Variants in DLGAP1 observed in about 807,000 individuals in gnomAD.
The protein encoded by DLGAP1 is DLG associated protein 1, also known as disks large-associated protein 1.
A neutral mutation model predicts 90.8 loss-of-function variants in DLGAP1; 11 were observed. The ratio of observed to expected loss-of-function variants is 0.12; its 90% confidence interval spans 0.08 to 0.20. DLGAP1 has a LOEUF of 0.20. Among genes scored for constraint, DLGAP1 ranks in the 10% least tolerant of loss-of-function variants. DLGAP1 has a pLI of 1.00. For synonymous variants in DLGAP1, 558 were observed against 540.7 expected, an observed-to-expected ratio of 1.03 and a Z score of -0.44; for missense variants, 1,050 against 1,333.8, an observed-to-expected ratio of 0.79 and a Z score of 3.31.
chr18:4,168,818 C>A (rs12960496), intron 1 of DLGAP1, among the ~76,000 whole-genome samples: 17,671 of 152,150 alleles, frequency 0.12, 1,173 homozygotes, highest in East Asian at 0.26. Context: ...CTCTGGGCTC[C>A]AGTGATCCTA....
chr18:4,330,541 T>C (rs1478385984), intron 1 of DLGAP1, among the ~76,000 whole-genome samples: 1 of 151,898 alleles, frequency 6.6e-6, no homozygotes, highest in African/African-American at 2.4e-5. Flanking sequence ...AGCTGTTTTT[T>C]ACCCATTTTG....
At chr18:3,760,000 G>A (rs1465489857) in intron 5 of DLGAP1, among the ~76,000 whole-genome samples, 5 of 152,198 alleles carry the variant, frequency 3.3e-5, no homozygotes, top group Admixed American at 3.3e-4. Context: ...TCTGGTCAGA[G>A]GCCTATTGAA....
intron 2 of DLGAP1, among the ~76,000 whole-genome samples, chr18:4,102,630 C>T (rs888064214): frequency 2.0e-5 from 3 of 152,058 alleles, no homozygotes; most frequent in Non-Finnish European, 2.9e-5. Context: ...AAAATGAAGT[C>T]GCTTCCTTCA....
intron 5 of DLGAP1, among the ~76,000 whole-genome samples, chr18:3,782,509 G>A (rs1042006763): frequency 1.3e-5 from 2 of 152,172 alleles, no homozygotes; most frequent in Admixed American, 1.3e-4. Context: ...GACTTTGCAG[G>A]TGTTGATGAT....
intron 1 of DLGAP1, among the ~76,000 whole-genome samples, chr18:4,241,117 G>A (rs2078525009): frequency 1.3e-5 from 2 of 152,160 alleles, no homozygotes; most frequent in African/African-American, 2.4e-5. Flanking sequence ...CAGGGCTTGA[G>A]TCACATCTTT....
intron 3 of DLGAP1, among the ~76,000 whole-genome samples, chr18:3,908,048 A>G (rs527968359): frequency 1.4e-3 from 211 of 152,296 alleles, no homozygotes; most frequent in African/African-American, 4.9e-3. Context: ...TGTGACTGTA[A>G]ATTTTCAACC....
At chr18:4,106,001 C>T (rs1356698187) in intron 2 of DLGAP1, among the ~76,000 whole-genome samples, 4 of 131,136 alleles carry the variant, frequency 3.1e-5, no homozygotes, top group African/African-American at 1.1e-4. Flanking sequence ...CACTGCACTC[C>T]AGCCTGGGCG....
chr18:3,567,690 A>G, intron 8 of DLGAP1, 109 bp from the exon 9 acceptor site: 1 of 941,404 alleles, frequency 1.1e-6, no homozygotes, highest in Non-Finnish European at 1.7e-6. Context: ...AATGTTTTGT[A>G]ATTTATAACC....
At chr18:3,826,281 A>C (rs989396605) in intron 4 of DLGAP1, among the ~76,000 whole-genome samples, 16 of 152,244 alleles carry the variant, frequency 1.1e-4, no homozygotes, top group African/African-American at 3.9e-4. Context: ...AAAGTTAAAA[A>C]ATAAAGCTCT....
intron 1 of DLGAP1, among the ~76,000 whole-genome samples, chr18:4,225,654 G>A (rs1238987527): frequency 8.0e-6 from 1 of 124,756 alleles, no homozygotes; most frequent in Non-Finnish European, 1.7e-5. Context: ...AAATGCAAAT[G>A]ACATACTGAA....
intron 2 of DLGAP1, among the ~76,000 whole-genome samples, chr18:4,008,297 C>T (rs2074347208): frequency 1.3e-5 from 2 of 152,056 alleles, no homozygotes; most frequent in South Asian, 4.2e-4. Context: ...TTATTATGTC[C>T]AGCTCTTCCG....
chr18:4,197,674 G>A (rs2077526653), intron 1 of DLGAP1, among the ~76,000 whole-genome samples: 1 of 152,212 alleles, frequency 6.6e-6, no homozygotes, highest in African/African-American at 2.4e-5. Context: ...TATGGAGCGG[G>A]ATGATGGGTG....
intron 1 of DLGAP1, chr18:4,294,422 T>C (rs901802773): frequency 2.0e-5 from 3 of 152,186 alleles, no homozygotes; most frequent in Non-Finnish European, 4.4e-5. Flanking sequence ...ATAAGTGAAA[T>C]GGGAGAGTTC....
chr18:4,017,406 T>A (rs1214019754), intron 2 of DLGAP1, among the ~76,000 whole-genome samples: 1 of 152,206 alleles, frequency 6.6e-6, no homozygotes, highest in East Asian at 1.9e-4. Context: ...TCATATCCTG[T>A]TTTCCCTGGA....
intron 1 of DLGAP1, among the ~76,000 whole-genome samples, chr18:4,352,435 G>A (rs891568000): frequency 6.6e-6 from 1 of 152,066 alleles, no homozygotes; most frequent in African/African-American, 2.4e-5. Flanking sequence ...TCAAGCTAAT[G>A]ACATTTACTT....
chr18:3,577,164 C>T (rs2055205994), intron 8 of DLGAP1, among the ~76,000 whole-genome samples: 1 of 152,064 alleles, frequency 6.6e-6, no homozygotes, highest in African/African-American at 2.4e-5. Flanking sequence ...CCTGGCCCTT[C>T]AGCTCCTTTC....
chr18:3,656,518 C>G (rs534797674), intron 7 of DLGAP1, among the ~76,000 whole-genome samples: 1 of 152,250 alleles, frequency 6.6e-6, no homozygotes, highest in Non-Finnish European at 1.5e-5. Context: ...CATGTTAGGA[C>G]AGAGTTTCTG....
chr18:3,995,125 GAT>G (rs1491209251), intron 3 of DLGAP1: 4 of 80,220 alleles, frequency 5.0e-5, no homozygotes, highest in African/African-American at 2.8e-4. Context: ...CCTAGCTTTT[GAT>G]TTTTTTTTTT....
intron 7 of DLGAP1, among the ~76,000 whole-genome samples, chr18:3,629,356 C>G (rs1442303928): frequency 6.6e-6 from 1 of 151,978 alleles, no homozygotes; most frequent in Non-Finnish European, 1.5e-5. Flanking sequence ...AAGTGAGGCT[C>G]TGTCTACAAA....
Sources: allele counts gnomAD v4.1 joint callset (sites outside exome capture counted in the v4.1 genomes callset), GRCh38; gene constraint gnomAD v4.1.1; transcripts MANE v1.5; gene names NCBI Gene and HGNC (gene_info 2026-07-23, HGNC 2026-07-21).